Variants in PIEZO2 observed in about 807,000 individuals in gnomAD.
The protein encoded by PIEZO2 is piezo type mechanosensitive ion channel component 2.
In PIEZO2, 172 loss-of-function variants were observed where a neutral mutation model predicts 337.3. The ratio of observed to expected loss-of-function variants is 0.51; its 90% CI spans 0.45 to 0.58. The LOEUF is 0.58. Among genes scored for constraint, PIEZO2 ranks in the 20% least tolerant of loss-of-function variants. PIEZO2 has a pLI of 0.00. For missense variants in PIEZO2, 3,028 were observed against 3,391.3 expected, an observed-to-expected ratio of 0.89 and a Z score of 2.66; for synonymous variants, 1,251 against 1,228.5, an observed-to-expected ratio of 1.02 and a Z score of -0.38.
intron 2 of PIEZO2, among the ~76,000 whole-genome samples, chr18:11,057,959 C>G (rs2037790633): frequency 6.6e-6 from 1 of 152,212 alleles, no homozygotes; most frequent in South Asian, 2.1e-4. Flanking sequence ...GGGAAAGCAT[C>G]TAATAATACT....
At chr18:11,034,892 C>G (rs1046560614) in intron 2 of PIEZO2, among the ~76,000 whole-genome samples, 2 of 152,160 alleles carry the variant, frequency 1.3e-5, no homozygotes, top group Non-Finnish European at 2.9e-5. Context: ...AATCAAGTAT[C>G]CAGCACTCAT....
chr18:11,065,848 G>A (rs1415160599), intron 2 of PIEZO2, among the ~76,000 whole-genome samples: 1 of 152,202 alleles, frequency 6.6e-6, no homozygotes, highest in African/African-American at 2.4e-5. Context: ...TGAGTTAGTA[G>A]TGTTAACTAG....
chr18:10,816,080 A>G (rs149899552), intron 7 of PIEZO2, among the ~76,000 whole-genome samples: 2 of 152,304 alleles, frequency 1.3e-5, no homozygotes, highest in African/African-American at 4.8e-5. Context: ...CCTGCCTAGC[A>G]GACACCTAAG....
At chr18:10,689,567 A>G in intron 49 of PIEZO2, 88 bp downstream of exon 49, 2 of 1,578,610 alleles carry the variant, frequency 1.3e-6, no homozygotes, top group Non-Finnish European at 1.7e-6. Context: ...TCATGCCTTC[A>G]TTGTGAGCAG....
Position 10,857,014 on chromosome 18 carries a change from T to G in PIEZO2, c.690A>C (p.Leu230Phe). ...TTAGKVVVTI[L>F]LGSSGMMLPS... ...GGAGACACTCACCCGAGGAGCCCAG[T>G]AAGATGGTAACAACGACTTTCCCAG... The change falls in exon 6 of 56, where the codon TTA becomes TTC. Residue 230 changes from leucine (L) to phenylalanine (F), a missense_variant. Physicochemically the swap from Leu to Phe is conservative, Grantham distance 22. This residue lies in a region of PIEZO2 where 542 missense variants were observed against 605.6 expected (regional missense o/e 0.89). Coordinates refer to ENST00000674853, the MANE Select transcript of PIEZO2 (RefSeq NM_001378183.1). 1 of 1,537,252 alleles carries G rather than the reference T, an allele frequency of 6.5e-7. No individual in the cohort carries two copies. The highest frequency in any genetic ancestry group is 8.7e-7 in the Non-Finnish European group (1 of 1,146,912).
intron 11 of PIEZO2, 36 bp downstream of exon 11, chr18:10,800,301 A>G (rs2144264799): frequency 6.6e-7 from 1 of 1,507,858 alleles, no homozygotes; most frequent in Non-Finnish European, 8.8e-7. Context: ...CTAAATGAGG[A>G]AGAAATGCGA....
rs768944507 is a variant in PIEZO2 at position 10,681,691 on chromosome 18, G to T, written c.7749C>A (p.Asn2583Lys). ...CCCTAGAAAAAGCTTGTATAAATTTGTTAAAGCTCTGCTGGTCCATAACTT... is the reference window on the plus strand; with the variant it reads ...CCCTAGAAAAAGCTTGTATAAATTTTTTAAAGCTCTGCTGGTCCATAACTT... Reference protein sequence around the residue: ...QLKVMDQQSFNKFIQAFSRDT... With the variant: ...QLKVMDQQSFKKFIQAFSRDT... Residue 2583 changes from asparagine to lysine, a missense_variant, in exon 51 of 56, where the codon AAC becomes AAA. Coordinates refer to ENST00000674853, the MANE Select transcript of PIEZO2 (RefSeq NM_001378183.1). The T allele has an allele frequency of 1.1e-5, 18 of 1,609,490 alleles. No homozygotes were observed. The East Asian group carries it at 4.0e-4, about 36-fold the overall frequency.
chr18:11,058,648 T>C (rs533058542), intron 2 of PIEZO2, among the ~76,000 whole-genome samples: 1 of 152,220 alleles, frequency 6.6e-6, no homozygotes, highest in African/African-American at 2.4e-5. Context: ...CAGTAGCCAA[T>C]TTGATCAACT....
In PIEZO2 at chr18:11,033,979, G is replaced by GA. The variant is rs529124204; in HGVS notation, c.160+32147dup. On this transcript the variant is annotated intron_variant, in intron 2 of 55. Transcript: ENST00000674853. The surrounding 1 kb of genome is among the most constrained non-coding windows in gnomAD (Gnocchi z 4.2). ...GTTGTGCTGATTTGAAACTGAAGGG[G>GA]AAAAAAACCCTCAGATTTAAAAAAA... Among the ~76,000 whole-genome samples, 1 of 151,728 alleles carries GA rather than the reference G, an allele frequency of 6.6e-6. No individual in the cohort carries two copies. Among genetic ancestry groups the GA allele is most frequent in the African/African-American group, 2.4e-5 (1 of 41,302 alleles).
rs78376550 is a variant in PIEZO2, at chr18:10,795,080, A to G, written c.1528-78T>C. 75,998 of 1,211,086 alleles carry G rather than the reference A, an allele frequency of 0.063. 2,706 individuals are homozygous for G. Among genetic ancestry groups the G allele is most frequent in the Non-Finnish European group, 0.069 (59,656 of 862,300 alleles). The allele number at this position is 1,211,086 out of a possible 1,614,324, so 75.0% of individuals were successfully genotyped here. ...CCCCCGCCCTGGTAAGGTAAAAACT[A>G]TCTAAAAAGAAAAGGTCATAATATT... On this transcript the variant is annotated intron_variant, in intron 12 of 55. Transcript: ENST00000674853. This position sits in a 1 kb window ranked among gnomAD's most constrained non-coding sequence, Gnocchi z 4.4.
Position 11,001,603 on chromosome 18 carries a change from T to C in PIEZO2, c.161-21943A>G, listed in dbSNP as rs1209208809. 6.6e-6 allele frequency among the ~76,000 whole-genome samples: 1 copy of C among 151,982 alleles called. No individual in the cohort carries two copies. The highest frequency in any genetic ancestry group is 1.5e-5 in the Non-Finnish European group (1 of 67,996). ...TTCTAAAATCTTTTGTCAAGCAGGG[T>C]GTGGTGGCTCGTGCCTGTAATCTCA... On this transcript the variant is annotated intron_variant, in intron 2 of 55. Coordinates refer to ENST00000674853, the MANE Select transcript of PIEZO2 (RefSeq NM_001378183.1). This position sits in a 1 kb window ranked among gnomAD's most constrained non-coding sequence, Gnocchi z 5.3.
chr18:10,762,867 C>A, intron 22 of PIEZO2, 55 bp downstream of exon 22: 1 of 1,502,956 alleles, frequency 6.7e-7, no homozygotes, highest in Non-Finnish European at 8.9e-7. Flanking sequence ...CCCCAAGTAT[C>A]TGCCTTGCTT....
At chr18:10,791,564 G>C in intron 13 of PIEZO2, 2 of 291,512 alleles carry the variant, frequency 6.9e-6, no homozygotes, top group East Asian at 8.6e-5. Flanking sequence ...TCCTGAGGAA[G>C]ATGAACCCAA....
chr18:11,133,481 G>A (rs564534157), intron 1 of PIEZO2, among the ~76,000 whole-genome samples: 11 of 152,290 alleles, frequency 7.2e-5, no homozygotes, highest in African/African-American at 2.6e-4. Context: ...CTGTGTGGGT[G>A]TTGCCAAAAG....
intron 8 of PIEZO2, among the ~76,000 whole-genome samples, chr18:10,804,878 C>T (rs559778233): frequency 1.8e-4 from 28 of 152,314 alleles, no homozygotes; most frequent in African/African-American, 5.8e-4. Flanking sequence ...ACAGGCCTTC[C>T]GTCCCAGCCC....
intron 2 of PIEZO2, among the ~76,000 whole-genome samples, chr18:11,013,950 C>T (rs1424113103): frequency 2.0e-5 from 3 of 152,174 alleles, no homozygotes. Context: ...CCGAGGGATA[C>T]AAGACAGCTA....
chr18:10,731,081 C>CT (rs953427228), intron 36 of PIEZO2, among the ~76,000 whole-genome samples: 16 of 148,360 alleles, frequency 1.1e-4, no homozygotes, highest in African/African-American at 2.7e-4. Flanking sequence ...TGTAGTATTT[C>CT]TTTTTTTTTA....
chr18:10,768,178 G>A (rs1334355574), intron 21 of PIEZO2, among the ~76,000 whole-genome samples: 2 of 152,186 alleles, frequency 1.3e-5, no homozygotes, highest in Admixed American at 6.5e-5. Context: ...GGAGGGACCC[G>A]AGTCTCGATG....
At chr18:10,799,100 T>C (rs148413370) in intron 11 of PIEZO2, among the ~76,000 whole-genome samples, 40 of 152,314 alleles carry the variant, frequency 2.6e-4, no homozygotes, top group Non-Finnish European at 5.3e-4. Context: ...GAAGTACTGA[T>C]ACAGAATTAT....
Sources: gnomAD v4.1 joint callset for allele counts (sites outside exome capture counted in the v4.1 genomes callset) on GRCh38, gnomAD v4.1.1 for gene constraint, gnomAD v4.1.1 regional missense constraint, Gnocchi (gnomAD v3.1) non-coding constraint, MANE v1.5 for transcripts, NCBI Gene and HGNC (gene_info 2026-07-23, HGNC 2026-07-21) for gene names.